PCTP: variants seen among roughly 807,000 people sequenced by gnomAD.
PCTP encodes phosphatidylcholine transfer protein.
A neutral mutation model predicts 31.0 loss-of-function variants in PCTP; 27 were observed. That is an observed-to-expected ratio of 0.87 (90% CI 0.64 to 1.20). The LOEUF (loss-of-function observed/expected upper bound fraction) is 1.20, where lower values mean the gene tolerates loss of function less well. PCTP is among the 50% of genes most tolerant of loss of function. The pLI is 0.00. For missense variants in PCTP, 287 were observed against 268.2 expected (o/e 1.07, Z -0.49); for synonymous variants, 108 against 101.2 (o/e 1.07, Z -0.40).
At chr17:55,813,267 G>C (rs764616421) in intron 3 of PCTP, among the ~76,000 whole-genome samples, 3 of 151,966 alleles carry the variant, frequency 2.0e-5, no homozygotes, top group Non-Finnish European at 1.5e-5. Context: ...AAAGAAGTAC[G>C]TTATTTATTT....
chr17:55,832,834 A>G (rs1905648918), intron 5 of PCTP, among the ~76,000 whole-genome samples: 1 of 152,200 alleles, frequency 6.6e-6, no homozygotes, highest in South Asian at 2.1e-4. Flanking sequence ...GATTTACAAC[A>G]TCCCATTTTT....
intron 3 of PCTP, among the ~76,000 whole-genome samples, chr17:55,773,046 G>A (rs183529100): frequency 1.9e-4 from 29 of 152,292 alleles, no homozygotes; most frequent in African/African-American, 6.3e-4. Context: ...GAATAGTGCC[G>A]TAAACTTAAG....
At chr17:55,841,731 T>C (rs1905988325) in intron 5 of PCTP, among the ~76,000 whole-genome samples, 1 of 152,230 alleles carries the variant, frequency 6.6e-6, no homozygotes, top group Non-Finnish European at 1.5e-5. Flanking sequence ...TTCCAATCAG[T>C]CCTCTGTGAT....
At chr17:55,752,628 A>T (rs1285876576) in intron 1 of PCTP, among the ~76,000 whole-genome samples, 1 of 152,212 alleles carries the variant, frequency 6.6e-6, no homozygotes, top group Non-Finnish European at 1.5e-5. Flanking sequence ...GCTATTTGGA[A>T]TACTTACAAA....
chr17:55,795,380 G>A (rs1392296664), intron 3 of PCTP, among the ~76,000 whole-genome samples: 1 of 151,966 alleles, frequency 6.6e-6, no homozygotes, highest in East Asian at 1.9e-4. Context: ...AGAGCATGTG[G>A]GGCTCTATTC....
intron 3 of PCTP, among the ~76,000 whole-genome samples, chr17:55,807,266 T>C (rs774860688): frequency 2.6e-5 from 4 of 152,192 alleles, no homozygotes; most frequent in Admixed American, 6.6e-5. Context: ...GCAGCAGCTG[T>C]GTTCATTAAA....
rs541296634 is a variant in PCTP at position 55,842,765 on chromosome 17, G to A, written n.544G>A. ...CTCTTCAGTGGCTTTGTTTCCAAATGAAAACCAGAAAAATGATGCTGGAAT... is the reference window on the plus strand; with the variant it reads ...CTCTTCAGTGGCTTTGTTTCCAAATAAAAACCAGAAAAATGATGCTGGAAT... On this transcript the variant is annotated non_coding_transcript_exon_variant, in exon 6 of 6. Coordinates refer to the PCTP transcript ENST00000576221. 3.9e-5 allele frequency: 6 copies of A among 152,324 alleles called. No individual in the cohort carries two copies. In the South Asian group the frequency reaches 6.2e-4, roughly 16 times the overall value. 9.4% of individuals were successfully genotyped at this position (152,324 alleles called of 1,614,324 possible).
At chr17:55,753,718 C>G (rs57688407) in intron 1 of PCTP, among the ~76,000 whole-genome samples, 8,908 of 152,262 alleles carry the variant, frequency 0.059, 257 homozygotes, top group Admixed American at 0.066. Context: ...GACATCTTCT[C>G]CTCTAGCGAG....
chr17:55,840,519 C>T (rs567142993), intron 5 of PCTP, among the ~76,000 whole-genome samples: 21 of 152,142 alleles, frequency 1.4e-4, no homozygotes, highest in Non-Finnish European at 2.2e-4. Context: ...AGTGCACATC[C>T]GTGATTTTGT....
chr17:55,799,506 A>G (rs1392305467), intron 3 of PCTP, among the ~76,000 whole-genome samples: 3 of 151,790 alleles, frequency 2.0e-5, no homozygotes, highest in Non-Finnish European at 4.4e-5. Context: ...CAGCACACCA[A>G]TGGGTCTTGA....
chr17:55,784,128 G>T (rs906069345), intron 2 of PCTP, among the ~76,000 whole-genome samples: 10 of 152,144 alleles, frequency 6.6e-5, no homozygotes, highest in Non-Finnish European at 1.2e-4. Context: ...TGACATCATT[G>T]GGCGAGGTGG....
At position 55,776,414 on chromosome 17, in the gene PCTP, A is replaced by C. The variant is rs1224319663; in HGVS notation, c.*314A>C. The C allele has an allele frequency of 1.1e-5, 14 of 1,248,836 alleles. No homozygotes were observed. The highest frequency in any genetic ancestry group is 1.5e-5 in the African/African-American group (1 of 64,908). The allele number at this position is 1,248,836 out of a possible 1,614,324, so 77.4% of individuals were successfully genotyped here. A position where few individuals can be genotyped will look rare whatever the true frequency, so the allele number is the denominator to read the frequency against. ...AAACCTTTGCTTGCTTACTATTAGG[A>C]GGGGAAGTCTTCAGTAGGGAACACG... On this transcript the variant is annotated 3_prime_UTR_variant, in exon 6 of 6. Coordinates refer to ENST00000268896, the MANE Select transcript of PCTP (RefSeq NM_021213.4).
chr17:55,791,172 G>A (rs1379803523), intron 3 of PCTP, among the ~76,000 whole-genome samples: 2 of 151,586 alleles, frequency 1.3e-5, no homozygotes, highest in South Asian at 2.1e-4. Context: ...GATTAAAGAC[G>A]TAAACGTTAG....
intron 5 of PCTP, among the ~76,000 whole-genome samples, chr17:55,832,502 A>G (rs990844988): frequency 3.9e-5 from 6 of 152,152 alleles, no homozygotes; most frequent in South Asian, 2.1e-4. Context: ...CTCACCTGCA[A>G]ACTCATTGGT....
At chr17:55,773,271 C>A (rs577952373) in intron 3 of PCTP, among the ~76,000 whole-genome samples, 1 of 152,318 alleles carries the variant, frequency 6.6e-6, no homozygotes, top group East Asian at 1.9e-4. Flanking sequence ...ACACCATTGT[C>A]TGTCGAGTGC....
downstream of PCTP, among the ~76,000 whole-genome samples, chr17:55,845,378 T>G (rs1908067051): frequency 6.6e-6 from 1 of 152,134 alleles, no homozygotes; most frequent in South Asian, 2.1e-4. Context: ...CTCTTCCGTC[T>G]CCGTGGTGCA....
chr17:55,851,639 C>G, the PCTP span, among the ~76,000 whole-genome samples: 1 of 152,302 alleles, frequency 6.6e-6, no homozygotes, highest in African/African-American at 2.4e-5. Flanking sequence ...TGGGGAAACT[C>G]TATACATCCT....
At chr17:55,783,632 C>CAAGGGAG (rs1911643337) in intron 2 of PCTP, among the ~76,000 whole-genome samples, 1 of 152,148 alleles carries the variant, frequency 6.6e-6, no homozygotes, top group Non-Finnish European at 1.5e-5. Flanking sequence ...TTCTGCTTAC[C>CAAGGGAG]AGTGAATGTG....
intron 3 of PCTP, 134 bp from the exon 4 acceptor site, chr17:55,773,590 T>G: frequency 1.3e-6 from 1 of 748,154 alleles, no homozygotes; most frequent in East Asian, 2.7e-5. Flanking sequence ...GGCACGTCAG[T>G]GAACTAGTGG....
Sources: gnomAD v4.1 joint callset for allele counts (sites outside exome capture counted in the v4.1 genomes callset) on GRCh38, gnomAD v4.1.1 for gene constraint, MANE v1.5 for transcripts, NCBI Gene and HGNC (gene_info 2026-07-23, HGNC 2026-07-21) for gene names.